Variants in CCSER1 observed in about 807,000 individuals in gnomAD.
CCSER1 encodes coiled-coil serine rich protein 1.
CCSER1 carries 41 observed loss-of-function variants against 82.0 expected under a neutral mutation model. The ratio of observed to expected loss-of-function variants is 0.50; its 90% CI spans 0.39 to 0.65. The LOEUF is 0.65. CCSER1 is among the 30% of genes least tolerant of loss of function. CCSER1 has a pLI of 0.00. For synonymous variants in CCSER1, 414 were observed against 383.9 expected (o/e 1.08, Z -0.92); for missense variants, 1,119 against 1,064.2 (o/e 1.05, Z -0.72).
intron 9 of CCSER1, among the ~76,000 whole-genome samples, chr4:90,952,708 T>C (rs1733041030): frequency 6.6e-6 from 1 of 152,082 alleles, no homozygotes; most frequent in Non-Finnish European, 1.5e-5. Flanking sequence ...TAGCCTATCA[T>C]ATTTGCCGAG....
chr4:90,685,585 A>G (rs1734680510), intron 6 of CCSER1, among the ~76,000 whole-genome samples: 2 of 152,120 alleles, frequency 1.3e-5, no homozygotes, highest in Admixed American at 6.5e-5. Context: ...AAACACAGAC[A>G]TATGTAAGAC....
chr4:90,350,871 C>T (rs1240252781), intron 3 of CCSER1, among the ~76,000 whole-genome samples: 6 of 152,022 alleles, frequency 3.9e-5, no homozygotes, highest in African/African-American at 7.2e-5. Context: ...ATGTATTTTA[C>T]TGCAATAAAA....
chr4:90,552,896 G>A (rs1777688037), intron 5 of CCSER1, among the ~76,000 whole-genome samples: 1 of 151,982 alleles, frequency 6.6e-6, no homozygotes, highest in South Asian at 2.1e-4. Context: ...ATGCTCTTAA[G>A]TTTGTATTTA....
At chr4:91,267,673 A>G (rs1428172549) in intron 10 of CCSER1, among the ~76,000 whole-genome samples, 1 of 152,178 alleles carries the variant, frequency 6.6e-6, no homozygotes, top group Non-Finnish European at 1.5e-5. Context: ...CTTTTGGGAA[A>G]TGGTTTACTA....
At chr4:91,261,827 A>G (rs1436525075) in intron 10 of CCSER1, among the ~76,000 whole-genome samples, 1 of 152,162 alleles carries the variant, frequency 6.6e-6, no homozygotes, top group Non-Finnish European at 1.5e-5. Flanking sequence ...TAAGCAGCAA[A>G]TATACTATTT....
In CCSER1 at chr4:91,225,516, A is replaced by G. The variant is rs556974907; in HGVS notation, c.2217+139522A>G. 2.1e-4 allele frequency among the ~76,000 whole-genome samples: 32 copies of G among 150,722 alleles called. 1 individual carries two copies. The South Asian group carries it at 6.2e-3, about 29-fold the overall frequency. ...ATATTTTTTCCATAGGAATAAAAGG[A>G]CAGGTAATATATTCCTGGATGTGAA... is the stretch of plus-strand genomic sequence containing the variant. On this transcript the variant is annotated intron_variant, in intron 10 of 10. Coordinates refer to ENST00000509176, the MANE Select transcript of CCSER1 (RefSeq NM_001145065.2).
intron 10 of CCSER1, among the ~76,000 whole-genome samples, chr4:91,484,248 C>G (rs554862466): frequency 6.6e-6 from 1 of 152,196 alleles, no homozygotes; most frequent in South Asian, 2.1e-4. Flanking sequence ...TTTTGTTACT[C>G]TAGAACCTTG....
chr4:91,209,761 A>G (rs923397781), intron 10 of CCSER1, among the ~76,000 whole-genome samples: 2 of 151,568 alleles, frequency 1.3e-5, no homozygotes, highest in Non-Finnish European at 3.0e-5. Context: ...TTCAGAGCTC[A>G]TTATTGGTCT....
rs11364315 is a variant in CCSER1, at chr4:91,043,583, CTTTTTTTTTTTTTT to C, written c.2173-42356_2173-42343del. Among the ~76,000 whole-genome samples the C allele has an allele frequency of 2.0e-4, 14 of 71,606 alleles. No homozygotes were observed. In the East Asian group the frequency reaches 5.6e-3, roughly 28 times the overall value. The allele number at this position is 71,606 out of a possible 152,430, so 47.0% of individuals were successfully genotyped here. A position where few individuals can be genotyped will look rare whatever the true frequency, so the allele number is the denominator to read the frequency against. ...GATAACGCTAACTAGCATCAGCCTT[CTTTTTTTTTTTTTT>C]TTTTTTTTTTGAGGCGGAGTCTTGC... is the stretch of plus-strand genomic sequence containing the variant. On this transcript the variant is annotated intron_variant, in intron 9 of 10. Coordinates refer to ENST00000509176, the MANE Select transcript of CCSER1 (RefSeq NM_001145065.2).
At chr4:90,390,615 G>A (rs1228743814) in intron 3 of CCSER1, among the ~76,000 whole-genome samples, 1 of 152,136 alleles carries the variant, frequency 6.6e-6, no homozygotes, top group Non-Finnish European at 1.5e-5. Flanking sequence ...ACATGCTTTT[G>A]TCCTTTTTTA....
chr4:91,089,036 C>T (rs1037943950), intron 10 of CCSER1, among the ~76,000 whole-genome samples: 4 of 151,988 alleles, frequency 2.6e-5, no homozygotes, highest in African/African-American at 4.8e-5. Context: ...CCACAGACAC[C>T]GAGGTAGTGA....
chr4:90,642,459 A>G (rs1726715327), intron 6 of CCSER1: 1 of 152,242 alleles, frequency 6.6e-6, no homozygotes, highest in Non-Finnish European at 1.5e-5. Context: ...ATAAAATTGA[A>G]AACTTGTGGA....
At chr4:90,387,308 C>T (rs943774716) in intron 3 of CCSER1, among the ~76,000 whole-genome samples, 1 of 151,810 alleles carries the variant, frequency 6.6e-6, no homozygotes, top group Non-Finnish European at 1.5e-5. Context: ...AAAATGGCAC[C>T]TTTTTTTAAC....
chr4:90,651,350 A>G (rs912215026), intron 6 of CCSER1, among the ~76,000 whole-genome samples: 1 of 152,210 alleles, frequency 6.6e-6, no homozygotes, highest in African/African-American at 2.4e-5. Context: ...ATGGAATACT[A>G]TGCAGCCATA....
intron 1 of CCSER1, among the ~76,000 whole-genome samples, chr4:90,291,071 A>C (rs990100183): frequency 6.6e-6 from 1 of 152,064 alleles, no homozygotes; most frequent in Admixed American, 6.6e-5. Flanking sequence ...CAAAGTCATA[A>C]AAAATAAAAC....
intron 10 of CCSER1, among the ~76,000 whole-genome samples, chr4:91,539,795 T>A (rs933347830): frequency 6.6e-6 from 1 of 152,090 alleles, no homozygotes; most frequent in African/African-American, 2.4e-5. Context: ...ACTTACTACA[T>A]CTTTAATTTC....
At chr4:90,934,113 G>C (rs980673966) in intron 9 of CCSER1, among the ~76,000 whole-genome samples, 3 of 151,726 alleles carry the variant, frequency 2.0e-5, no homozygotes, top group Non-Finnish European at 2.9e-5. Context: ...TTTTGTAACA[G>C]TTAAAGAAGA....
intron 1 of CCSER1, among the ~76,000 whole-genome samples, chr4:90,171,518 A>G (rs1457752205): frequency 3.3e-5 from 5 of 151,896 alleles, no homozygotes; most frequent in Non-Finnish European, 7.4e-5. Context: ...TTGTAATCTG[A>G]CAGTGTAACT....
At chr4:90,517,099 C>T (rs567130620) in intron 5 of CCSER1, among the ~76,000 whole-genome samples, 1 of 152,066 alleles carries the variant, frequency 6.6e-6, no homozygotes, top group Admixed American at 6.6e-5. Flanking sequence ...GCCTAGCCTA[C>T]CTTAAATGTG....
Sources: gnomAD v4.1 joint callset for allele counts (sites outside exome capture counted in the v4.1 genomes callset) on GRCh38, gnomAD v4.1.1 for gene constraint, MANE v1.5 for transcripts, NCBI Gene and HGNC (gene_info 2026-07-23, HGNC 2026-07-21) for gene names.